Variants in ERCC8 observed in about 807,000 individuals in gnomAD.
The protein encoded by ERCC8 is ERCC excision repair 8, CSA ubiquitin ligase complex subunit.
In ERCC8, 52 loss-of-function variants were observed where a neutral mutation model predicts 54.9. The observed-to-expected ratio is 0.95, with a 90% CI of 0.76 to 1.19. The LOEUF is 1.19. Ranked by LOEUF, ERCC8 falls within the 50% of genes most tolerant of loss-of-function variation. The pLI, the probability that ERCC8 is intolerant of heterozygous loss-of-function variation, is 0.00. For missense variants in ERCC8, 514 were observed against 466.1 expected, an observed-to-expected ratio of 1.10 and a Z score of -0.95; for synonymous variants, 146 against 157.2, an observed-to-expected ratio of 0.93 and a Z score of 0.53.
At chr5:60,928,794 A>G in intron 2 of ERCC8, 70 bp downstream of exon 2, 1 of 852,936 alleles carries the variant, frequency 1.2e-6, no homozygotes, top group Non-Finnish European at 2.0e-6. Context: ...TACATCATTA[A>G]TTTGAAAAAG....
At chr5:60,939,597 G>T (rs966499325) in intron 1 of ERCC8, among the ~76,000 whole-genome samples, 7 of 152,048 alleles carry the variant, frequency 4.6e-5, no homozygotes, top group Non-Finnish European at 8.8e-5. Context: ...AGATCCTCGT[G>T]CCTCAGCCAC....
At chr5:60,886,094 C>A (rs1257784483) in intron 11 of ERCC8, among the ~76,000 whole-genome samples, 3 of 151,444 alleles carry the variant, frequency 2.0e-5, no homozygotes, top group African/African-American at 7.3e-5. Context: ...TGTTTTTAGA[C>A]ATTGCTTTTA....
chr5:60,895,417 G>A (rs1561500532), intron 9 of ERCC8, among the ~76,000 whole-genome samples: 2 of 152,028 alleles, frequency 1.3e-5, no homozygotes, highest in Admixed American at 6.6e-5. Flanking sequence ...TCATTTTGGT[G>A]GACTTGGGTT....
At chr5:60,926,530 A>G (rs1033920581) in intron 2 of ERCC8, among the ~76,000 whole-genome samples, 3 of 152,234 alleles carry the variant, frequency 2.0e-5, no homozygotes, top group South Asian at 4.1e-4. Flanking sequence ...CAAAAATCCA[A>G]TTGATGGGCA....
intron 11 of ERCC8, among the ~76,000 whole-genome samples, chr5:60,881,044 T>A (rs1409432376): frequency 1.3e-5 from 2 of 152,130 alleles, no homozygotes; most frequent in East Asian, 3.9e-4. Flanking sequence ...GGGGTTTTGG[T>A]GTGGATGTCC....
chr5:60,886,483 C>T (rs1440388062), intron 11 of ERCC8, among the ~76,000 whole-genome samples: 1 of 152,034 alleles, frequency 6.6e-6, no homozygotes, highest in Non-Finnish European at 1.5e-5. Flanking sequence ...AGGTGGATCA[C>T]TTGAGGTCAG....
In ERCC8 at chr5:60,939,686, G is replaced by A. The variant is rs546288522; in HGVS notation, c.77+5246C>T. Among the ~76,000 whole-genome samples, 224 of 152,072 alleles carry A rather than the reference G, an allele frequency of 1.5e-3. 1 individual carries two copies. The highest frequency in any genetic ancestry group is 3.4e-3 in the Middle Eastern group (1 of 292). On this transcript the variant is annotated intron_variant, in intron 1 of 11. Transcript: ENST00000676185. ...GATTTTTGGATTTTTAGTAGAGATG[G>A]GGTTTTGCCATGTTGCCCAGGCTGG...
chr5:60,906,403 T>A (rs1029657187), intron 4 of ERCC8, among the ~76,000 whole-genome samples: 3 of 151,522 alleles, frequency 2.0e-5, no homozygotes, highest in African/African-American at 7.3e-5. Context: ...TTTACAAAGG[T>A]GGTTGAGTTT....
rs531786929 is a variant in ERCC8, at chr5:60,870,785, T to C, written c.*3830A>G. On this transcript the variant is annotated 3_prime_UTR_variant, in exon 12 of 12. Coordinates refer to ENST00000676185, the MANE Select transcript of ERCC8 (RefSeq NM_000082.4). ...ATTAGACAAATATTAGAAGAAAATA[T>C]ACCTGAGCTGAGAAAAGGTTTGGAC... Among the ~76,000 whole-genome samples, 15 of 151,984 alleles carry C rather than the reference T, an allele frequency of 9.9e-5. No homozygotes were observed. Among genetic ancestry groups the C allele is most frequent in the South Asian group, 6.2e-4 (3 of 4,812 alleles).
intron 1 of ERCC8, among the ~76,000 whole-genome samples, chr5:60,938,727 C>T (rs757281101): frequency 3.9e-5 from 6 of 152,298 alleles, no homozygotes; most frequent in South Asian, 2.1e-4. Context: ...AAAGTATGTA[C>T]GTTCTCCACT....
chr5:60,936,020 G>A (rs752754862), intron 1 of ERCC8, among the ~76,000 whole-genome samples: 1 of 152,108 alleles, frequency 6.6e-6, no homozygotes, highest in Non-Finnish European at 1.5e-5. Flanking sequence ...CCTGGTTTTG[G>A]TATTAGCATG....
chr5:60,890,353 T>G (rs962548911), intron 10 of ERCC8, among the ~76,000 whole-genome samples: 1 of 152,142 alleles, frequency 6.6e-6, no homozygotes, highest in Non-Finnish European at 1.5e-5. Flanking sequence ...GTGCAAATGT[T>G]CTCTGAAAAA....
chr5:60,943,621 T>A (rs568082638), intron 1 of ERCC8, among the ~76,000 whole-genome samples: 17 of 152,162 alleles, frequency 1.1e-4, no homozygotes, highest in African/African-American at 4.1e-4. Flanking sequence ...AAGAGGAAAT[T>A]GGCCAAAAGA....
intron 9 of ERCC8, chr5:60,893,717 G>A (rs1259364017): frequency 2.3e-5 from 10 of 430,170 alleles, no homozygotes; most frequent in East Asian, 4.3e-5. Context: ...CCAGCCTGGC[G>A]GCGCCCGACT....
intron 10 of ERCC8, among the ~76,000 whole-genome samples, chr5:60,890,156 A>T (rs1748506261): frequency 6.6e-6 from 1 of 152,118 alleles, no homozygotes; most frequent in Non-Finnish European, 1.5e-5. Flanking sequence ...CAAATTAGGC[A>T]ATCAGTATTA....
chr5:60,867,080 T>C lies in ERCC8; in HGVS notation c.*7535A>G, dbSNP rs6449506. 129,530 of 152,036 alleles carry C rather than the reference T, an allele frequency of 0.85. 55,634 individuals carry two copies. The highest frequency in any genetic ancestry group is 0.96 in the African/African-American group (39,670 of 41,472). The allele number at this position is 152,036 out of a possible 1,614,324, so 9.4% of individuals were successfully genotyped here. ...CTCGATCTCCTGACCTCGTGATCCATCCACCTCAGCCTCCCAAAGTGCTGG... is the reference window on the plus strand; with the variant it reads ...CTCGATCTCCTGACCTCGTGATCCACCCACCTCAGCCTCCCAAAGTGCTGG... On this transcript the variant is annotated 3_prime_UTR_variant, in exon 12 of 12. Transcript: ENST00000676185.
chr5:60,939,066 G>C (rs954271301), intron 1 of ERCC8, among the ~76,000 whole-genome samples: 10 of 152,144 alleles, frequency 6.6e-5, no homozygotes, highest in African/African-American at 2.4e-4. Flanking sequence ...AAATCAGCCT[G>C]TTCACCTTTG....
intron 9 of ERCC8, chr5:60,891,894 T>C (rs1748573446): frequency 4.3e-6 from 2 of 469,990 alleles, no homozygotes; most frequent in South Asian, 3.4e-5. Flanking sequence ...CCACTGGAAC[T>C]GGTGCTTGGA....
rs747422895 is a variant in ERCC8 at position 60,918,237 on chromosome 5, C to T, written c.399+28G>A. ...TTAAATTCTCCTTTATCCTACAAAG[C>T]AATCTGCAAATGTTTTAATGTACTT... On this transcript the variant is annotated intron_variant, in intron 4 of 11. Transcript: ENST00000676185. 3.2e-6 allele frequency: 5 copies of T among 1,543,138 alleles called. No homozygotes were observed. The East Asian group carries it at 9.0e-5, about 28-fold the overall frequency.
Sources: allele counts gnomAD v4.1 joint callset (sites outside exome capture counted in the v4.1 genomes callset), GRCh38; gene constraint gnomAD v4.1.1; transcripts MANE v1.5; gene names NCBI Gene and HGNC (gene_info 2026-07-23, HGNC 2026-07-21).